Variants in ACTN1 observed in about 807,000 individuals in gnomAD.
The protein encoded by ACTN1 is alpha-actinin-1.
ACTN1 carries 30 observed loss-of-function variants against 119.6 expected under a neutral mutation model. The ratio of observed to expected loss-of-function variants is 0.25; its 90% confidence interval spans 0.19 to 0.34. The LOEUF (loss-of-function observed/expected upper bound fraction) is 0.34, where lower values mean the gene tolerates loss of function less well. Ranked by LOEUF, ACTN1 falls within the 10% of genes least tolerant of loss-of-function variation. The pLI is 1.00. For synonymous variants in ACTN1, 429 were observed against 472.6 expected (o/e 0.91, Z 1.20); for missense variants, 764 against 1,223.4 (o/e 0.62, Z 5.60).
intron 8 of ACTN1, among the ~76,000 whole-genome samples, chr14:68,896,021 G>A (rs11620768): frequency 0.14 from 21,921 of 152,148 alleles, 1,796 homozygotes; most frequent in African/African-American, 0.21. Context: ...GAGACTGACT[G>A]AGAATACCAT....
Position 68,874,504 on chromosome 14 carries a change from A to C in ACTN1, c.*355T>G, listed in dbSNP as rs1385286067. On this transcript the variant is annotated 3_prime_UTR_variant, in exon 22 of 22. Coordinates refer to ENST00000394419, the MANE Select transcript of ACTN1 (RefSeq NM_001130004.2). ...GATAGAAGAAAAAAAAATCAGTAAA[A>C]AGGATGGAATATAACTTTGTGCTTG... 5.6e-6 allele frequency: 1 copy of C among 178,154 alleles called. No individual in the cohort carries two copies. Among genetic ancestry groups the C allele is most frequent in the Non-Finnish European group, 1.2e-5 (1 of 85,584 alleles). The allele number at this position is 178,154 out of a possible 1,614,324, so 11.0% of individuals were successfully genotyped here.
intron 1 of ACTN1, among the ~76,000 whole-genome samples, chr14:68,952,505 C>T (rs1004331565): frequency 6.6e-6 from 1 of 152,210 alleles, no homozygotes; most frequent in Non-Finnish European, 1.5e-5. Context: ...TTGTAACTGT[C>T]GGGCTTGGGA....
At chr14:68,889,179 C>G (rs2032276170) in intron 11 of ACTN1, among the ~76,000 whole-genome samples, 1 of 152,196 alleles carries the variant, frequency 6.6e-6, no homozygotes, top group Non-Finnish European at 1.5e-5. Flanking sequence ...AGGTATGATC[C>G]TCTCTCTTCA....
chr14:68,959,137 T>C (rs1181772193), intron 1 of ACTN1, among the ~76,000 whole-genome samples: 3 of 152,210 alleles, frequency 2.0e-5, no homozygotes, highest in Non-Finnish European at 2.9e-5. Context: ...CCACACAGCC[T>C]GCTCTCCAGC....
Position 68,879,861 on chromosome 14 carries a change from T to C in ACTN1, c.2280+101A>G. On this transcript the variant is annotated intron_variant, in intron 18 of 21. Coordinates refer to ENST00000394419, the MANE Select transcript of ACTN1 (RefSeq NM_001130004.2). This position sits in a 1 kb window ranked among gnomAD's most constrained non-coding sequence, Gnocchi z 4.9. Reference sequence around the variant, plus strand: ...GACGGCAGTTTCCCCTTTCTCTCCCTCCTCACTTGCATGGCAGCCCACGTC... The same window carrying C: ...GACGGCAGTTTCCCCTTTCTCTCCCCCCTCACTTGCATGGCAGCCCACGTC... 1 of 1,502,458 alleles carries C rather than the reference T, an allele frequency of 6.7e-7. No homozygotes were observed. The highest frequency in any genetic ancestry group is 9.0e-7 in the Non-Finnish European group (1 of 1,112,002). The allele number at this position is 1,502,458 out of a possible 1,614,324, so 93.1% of individuals were successfully genotyped here. A position where few individuals can be genotyped will look rare whatever the true frequency, so the allele number is the denominator to read the frequency against.
At chr14:68,875,079 G>C (rs757670319) in intron 21 of ACTN1, 62 bp from the exon 22 acceptor site, 6 of 1,598,082 alleles carry the variant, frequency 3.8e-6, no homozygotes, top group Non-Finnish European at 5.1e-6. Context: ...GGCGCGGCCC[G>C]ACACAGCCGC....
At chr14:68,914,535 G>A (rs1006799623) in intron 3 of ACTN1, among the ~76,000 whole-genome samples, 20 of 152,174 alleles carry the variant, frequency 1.3e-4, no homozygotes, top group African/African-American at 3.6e-4. Flanking sequence ...GGAGGCCAAG[G>A]TGGGAGGATC....
chr14:68,966,926 C>T (rs1185867266), intron 1 of ACTN1, among the ~76,000 whole-genome samples: 1 of 152,232 alleles, frequency 6.6e-6, no homozygotes, highest in Non-Finnish European at 1.5e-5. Flanking sequence ...TGAAGAGGGA[C>T]ATGTCAGTAT....
chr14:68,922,559 TGG>T (rs2034706311), intron 2 of ACTN1, among the ~76,000 whole-genome samples: 1 of 152,172 alleles, frequency 6.6e-6, no homozygotes, highest in Admixed American at 6.5e-5. Flanking sequence ...CCCCAGCCCT[TGG>T]GGCCTGTCCA....
At chr14:68,927,862 T>G (rs907312739) in intron 1 of ACTN1, among the ~76,000 whole-genome samples, 1 of 152,198 alleles carries the variant, frequency 6.6e-6, no homozygotes, top group African/African-American at 2.4e-5. Context: ...CTGACACTGG[T>G]CTGCCCAGTG....
chr14:68,972,293 C>A (rs548641439), intron 1 of ACTN1, among the ~76,000 whole-genome samples: 1 of 152,124 alleles, frequency 6.6e-6, no homozygotes, highest in Non-Finnish European at 1.5e-5. Flanking sequence ...CTCTTCTAAA[C>A]TCCTCTCACT....
At position 68,925,514 on chromosome 14, in the gene ACTN1, G is replaced by T; in HGVS notation, c.220+44C>A. ...AGAGCAGATGCCAAGGTGTCAGGCA[G>T]CACCAATAGACAGTATCTCGTCCTG... On this transcript the variant is annotated intron_variant, in intron 2 of 21. Coordinates refer to ENST00000394419, the MANE Select transcript of ACTN1 (RefSeq NM_001130004.2). This position sits in a 1 kb window ranked among gnomAD's most constrained non-coding sequence, Gnocchi z 4.3. 6.6e-7 allele frequency: 1 copy of T among 1,521,280 alleles called. No individual in the cohort carries two copies. The highest frequency in any genetic ancestry group is 9.0e-7 in the Non-Finnish European group (1 of 1,108,250). 94.2% of individuals were successfully genotyped at this position (1,521,280 alleles called of 1,614,324 possible). A position where few individuals can be genotyped will look rare whatever the true frequency, so the allele number is the denominator to read the frequency against.
chr14:68,874,942 G>A lies in ACTN1; in HGVS notation c.2662C>T (p.Pro888Ser), dbSNP rs773833507. The change falls in exon 22 of 22, where the codon CCC (proline) becomes TCC (serine). Residue 888 changes from proline to serine, a missense_variant. By Grantham distance (74) the Pro-to-Ser change is moderately conservative. This residue lies in a region of ACTN1 where 102 missense variants were observed against 78.2 expected (regional missense o/e 1.30). Coordinates refer to ENST00000394419, the MANE Select transcript of ACTN1 (RefSeq NM_001130004.2). The part of the protein sequence containing the change: ...QAEYCIARMA[P>S]YTGPDSVPGA... ...GGCACGGAGTCGGGGCCGGTGTAGG[G>A]GGCCATCCGCGCGATGCAGTACTCA... 1 of 1,613,432 alleles carries A rather than the reference G, an allele frequency of 6.2e-7. No homozygotes were observed. Among genetic ancestry groups the A allele is most frequent in the Admixed American group, 1.7e-5 (1 of 60,018 alleles).
intron 3 of ACTN1, among the ~76,000 whole-genome samples, chr14:68,915,502 G>C (rs1260272355): frequency 6.6e-6 from 1 of 152,208 alleles, no homozygotes; most frequent in Non-Finnish European, 1.5e-5. Context: ...TTGAGGGTAA[G>C]AATACTTCCT....
chr14:68,904,648 C>T lies in ACTN1; in HGVS notation c.676+7G>A, dbSNP rs757677617. 1 of 1,613,780 alleles carries T rather than the reference C, an allele frequency of 6.2e-7. No homozygotes were observed. Among genetic ancestry groups the T allele is most frequent in the South Asian group, 1.1e-5 (1 of 91,072 alleles). ...GGCAAGAGACACAGAAGGAAAGCGCCTTTCACCTTCGGCATCCAGCATCTT... is the reference window on the plus strand; with the variant it reads ...GGCAAGAGACACAGAAGGAAAGCGCTTTTCACCTTCGGCATCCAGCATCTT... On this transcript the variant is annotated splice_region_variant and intron_variant, in intron 7 of 21. Transcript: ENST00000394419.
intron 6 of ACTN1, among the ~76,000 whole-genome samples, chr14:68,905,837 C>T (rs1180322156): frequency 6.6e-6 from 1 of 151,932 alleles, no homozygotes; most frequent in Non-Finnish European, 1.5e-5. Context: ...GCTAAAAATA[C>T]AAAAATTAGC....
intron 2 of ACTN1, among the ~76,000 whole-genome samples, chr14:68,923,319 T>A (rs1283225295): frequency 6.6e-6 from 1 of 151,990 alleles, no homozygotes. Flanking sequence ...TGGGGTATTA[T>A]AGGTGCTGGG....
intron 8 of ACTN1, 72 bp from the exon 9 acceptor site, chr14:68,893,819 G>T: frequency 6.9e-7 from 1 of 1,457,344 alleles, no homozygotes; most frequent in Non-Finnish European, 9.5e-7. Context: ...CACCTGTGCT[G>T]ACAAAGCCCC....
chr14:68,973,145 C>A (rs2140692737), intron 1 of ACTN1, among the ~76,000 whole-genome samples: 1 of 152,198 alleles, frequency 6.6e-6, no homozygotes, highest in South Asian at 2.1e-4. Flanking sequence ...GAAGGGGGAG[C>A]CTGGGCAACC....
Sources: allele counts gnomAD v4.1 joint callset (sites outside exome capture counted in the v4.1 genomes callset), GRCh38; gene constraint gnomAD v4.1.1; regional missense constraint gnomAD v4.1.1; non-coding constraint Gnocchi (gnomAD v3.1); transcripts MANE v1.5; gene names NCBI Gene and HGNC (gene_info 2026-07-23, HGNC 2026-07-21).